Variants in FBXO46 observed in about 807,000 individuals in gnomAD.
FBXO46 encodes the protein F-box protein 46.
In FBXO46, 13 loss-of-function variants were observed where a neutral mutation model predicts 30.7. The ratio of observed to expected loss-of-function variants is 0.42; its 90% CI spans 0.28 to 0.67. The LOEUF is 0.67. Ranked by LOEUF, FBXO46 falls within the 30% of genes least tolerant of loss-of-function variation. The probability of loss-of-function intolerance (pLI) is 0.21; values close to 1 mark genes in which losing one functional copy is unlikely to be tolerated. For missense variants in FBXO46, 754 were observed against 871.5 expected (o/e 0.87, Z 1.70); for synonymous variants, 467 against 385.8 (o/e 1.21, Z -2.47).
At chr19:45,730,282 G>T (rs1312480305) in intron 1 of FBXO46, among the ~76,000 whole-genome samples, 1 of 151,918 alleles carries the variant, frequency 6.6e-6, no homozygotes, top group Non-Finnish European at 1.5e-5. Flanking sequence ...AGTCTCTGGC[G>T]GGACTAGGGA....
upstream of FBXO46, among the ~76,000 whole-genome samples, chr19:45,731,070 G>A (rs1468634098): frequency 3.9e-5 from 6 of 152,230 alleles, no homozygotes; most frequent in African/African-American, 1.2e-4. Flanking sequence ...GGGAGACAAA[G>A]CCGGGGAGGA....
intron 1 of FBXO46, chr19:45,715,016 C>T: frequency 6.6e-6 from 1 of 152,318 alleles, no homozygotes; most frequent in African/African-American, 2.4e-5. Flanking sequence ...GCTAAGATTA[C>T]AGTGGGTCCG....
At chr19:45,729,317 A>C (rs1328352014) in intron 1 of FBXO46, among the ~76,000 whole-genome samples, 1 of 150,656 alleles carries the variant, frequency 6.6e-6, no homozygotes, top group Non-Finnish European at 1.5e-5. Context: ...TGTAATCCCA[A>C]CTACTCAGGA....
upstream of FBXO46, among the ~76,000 whole-genome samples, chr19:45,732,116 C>CAA (rs1038077264): frequency 4.7e-4 from 53 of 112,242 alleles, no homozygotes; most frequent in African/African-American, 1.3e-3. Context: ...GATTCCGTCT[C>CAA]AAAAAAAAAA....
rs377664802 is a variant in FBXO46, at chr19:45,713,048, G to C, written c.448C>G (p.Arg150Gly). Residue 150 changes from arginine to glycine, a missense_variant, in exon 2 of 2, where the codon CGG becomes GGG. Arg to Gly is a moderately radical substitution (Grantham distance 125). Transcript: ENST00000317683. This position sits in a 1 kb window ranked among gnomAD's most constrained non-coding sequence, Gnocchi z 4.7. ...TCCTCAGCAGCAGGGGGGCCCTCCC[G>C]GCCCCCTGGGTCAGGAGGAGCCTTG... ...PTKAPPDPGG[R>G]EGPPAAEEGP... The C allele has an allele frequency of 1.3e-6, 2 of 1,562,882 alleles. No individual in the cohort carries two copies. The highest frequency in any genetic ancestry group is 1.7e-6 in the Non-Finnish European group (2 of 1,156,108).
intron 1 of FBXO46, among the ~76,000 whole-genome samples, chr19:45,730,449 C>T (rs1968293724): frequency 6.6e-6 from 1 of 152,024 alleles, no homozygotes; most frequent in Non-Finnish European, 1.5e-5. Flanking sequence ...CAACCCATTG[C>T]GTCCACCGTT....
chr19:45,720,094 TCAAGTGATC>T (rs1968149213), intron 1 of FBXO46, among the ~76,000 whole-genome samples: 2 of 152,038 alleles, frequency 1.3e-5, no homozygotes, highest in East Asian at 3.9e-4. Context: ...TCTCCTGGGC[TCAAGTGATC>T]CTCCCATCTC....
At position 45,712,425 on chromosome 19, in the gene FBXO46, C is replaced by G. The variant is rs2146143363; in HGVS notation, c.1071G>C (p.Arg357=). Residue 357 remains arginine (R), a synonymous_variant, in exon 2 of 2, where the codon CGG becomes CGC. Coordinates refer to ENST00000317683, the MANE Select transcript of FBXO46 (RefSeq NM_001080469.2). The surrounding 1 kb of genome is among the most constrained non-coding windows in gnomAD (Gnocchi z 8.8). ...CGTGGAAGCCTGACGCTCCGCAGTC[C>G]CGGGCAGGGGGCGGAGGGGGCGCCG... ...TPPAPPPPPA[R]DCGASGFHVD... The G allele has an allele frequency of 1.9e-6, 3 of 1,610,508 alleles. No individual in the cohort carries two copies. In the South Asian group the frequency reaches 3.3e-5, roughly 18 times the overall value.
chr19:45,721,256 G>A (rs989293599), intron 1 of FBXO46, among the ~76,000 whole-genome samples: 2 of 149,624 alleles, frequency 1.3e-5, no homozygotes, highest in Middle Eastern at 3.5e-3. Flanking sequence ...GAAGTGGGAG[G>A]ATCGCTTGAG....
rs550642796 is a variant in FBXO46, at chr19:45,711,057, G to C, written c.*627C>G. 109 of 276,486 alleles carry C rather than the reference G, an allele frequency of 3.9e-4. No individual in the cohort carries two copies. The highest frequency in any genetic ancestry group is 5.8e-4 in the Admixed American group (11 of 18,826). 17.1% of individuals were successfully genotyped at this position (276,486 alleles called of 1,614,324 possible). On this transcript the variant is annotated 3_prime_UTR_variant, in exon 2 of 2. Coordinates refer to ENST00000317683, the MANE Select transcript of FBXO46 (RefSeq NM_001080469.2). ...TGTCTGCCCCCCTCTTCCTCTACGC[G>C]GAAGAGGAGAGACTGGTAGCTTGAG...
intron 1 of FBXO46, among the ~76,000 whole-genome samples, chr19:45,717,847 A>T (rs1207030584): frequency 6.6e-6 from 1 of 152,016 alleles, no homozygotes; most frequent in Non-Finnish European, 1.5e-5. Flanking sequence ...ACCCTGAAAA[A>T]CAAATGGACA....
In FBXO46 at chr19:45,712,222, G is replaced by A. The variant is rs774725765; in HGVS notation, c.1274C>T (p.Ala425Val). 8 of 1,605,178 alleles carry A rather than the reference G, an allele frequency of 5.0e-6. No homozygotes were observed. Among genetic ancestry groups the A allele is most frequent in the Non-Finnish European group, 5.9e-6 (7 of 1,177,568 alleles). The stretch of plus-strand genomic sequence containing the variant: ...GCCGGGCGCAGTGGCCGGGGAGTCG[G>A]CCGGGGGTGGCTCCGGGGGCCCGTC... ...GPDGPPEPPP[A>V]DSPATAPGPD... is the part of the protein sequence containing the mutation. The change falls in exon 2 of 2, where the codon GCC becomes GTC. Residue 425 changes from alanine (A) to valine (V), a missense_variant. Ala to Val is a moderately conservative substitution (Grantham distance 64). Around this residue, in one of 5 missense-constraint regions of FBXO46, gnomAD observed 454 missense variants for 426.5 expected, o/e 1.06. Coordinates refer to ENST00000317683, the MANE Select transcript of FBXO46 (RefSeq NM_001080469.2). The surrounding 1 kb of genome is among the most constrained non-coding windows in gnomAD (Gnocchi z 8.8).
intron 1 of FBXO46, chr19:45,717,150 AAC>A (rs1391663659): frequency 2.0e-5 from 3 of 152,046 alleles, no homozygotes; most frequent in African/African-American, 7.2e-5. Flanking sequence ...CAAGCCCCAG[AAC>A]ATTTTGCAAA....
At chr19:45,724,572 C>T (rs961220120) in intron 1 of FBXO46, among the ~76,000 whole-genome samples, 1 of 151,712 alleles carries the variant, frequency 6.6e-6, no homozygotes, top group African/African-American at 2.4e-5. Context: ...TTTGGGAGGC[C>T]GAAGTGGGAG....
At position 45,712,412 on chromosome 19, in the gene FBXO46, A is replaced by C. The variant is rs988275990; in HGVS notation, c.1084T>G (p.Ser362Ala). The C allele has an allele frequency of 1.7e-5, 28 of 1,608,964 alleles. No individual in the cohort carries two copies. Among genetic ancestry groups the C allele is most frequent in the Non-Finnish European group, 2.4e-5 (28 of 1,179,668 alleles). ...PPPPARDCGA[S>A]GFHVDVVVTG... ...ACCACCACGTCCACGTGGAAGCCTG[A>C]CGCTCCGCAGTCCCGGGCAGGGGGC... The change falls in exon 2 of 2, where the codon TCA becomes GCA. Residue 362 changes from serine (S) to alanine (A), a missense_variant. Around this residue, in one of 5 missense-constraint regions of FBXO46, gnomAD observed 454 missense variants for 426.5 expected, o/e 1.06. Coordinates refer to ENST00000317683, the MANE Select transcript of FBXO46 (RefSeq NM_001080469.2). The surrounding 1 kb of genome is among the most constrained non-coding windows in gnomAD (Gnocchi z 8.8).
intron 1 of FBXO46, among the ~76,000 whole-genome samples, chr19:45,729,066 CACTCCGCCTGGGCAACAAGAGCGAA>C (rs1424976222): frequency 6.6e-6 from 1 of 150,492 alleles, no homozygotes; most frequent in Non-Finnish European, 1.5e-5. Flanking sequence ...GCCAAGATTG[CACTCCGCCTGGGCAACAAGAGCGAA>C]ACTCCGCCTC....
intron 1 of FBXO46, among the ~76,000 whole-genome samples, chr19:45,720,130 G>T (rs1200168125): frequency 2.1e-5 from 3 of 144,410 alleles, no homozygotes; most frequent in Admixed American, 6.9e-5. Context: ...CTTCTTTTTT[G>T]TTTTTTTTTT....
At chr19:45,717,417 G>C (rs1446362453) in intron 1 of FBXO46, 5 of 152,280 alleles carry the variant, frequency 3.3e-5, no homozygotes, top group East Asian at 3.9e-4. Context: ...AGACGCGCGC[G>C]TGACGCTCTC....
At chr19:45,732,981 T>C (rs1488377484), upstream of FBXO46, among the ~76,000 whole-genome samples, 1 of 152,138 alleles carries the variant, frequency 6.6e-6, no homozygotes, top group African/African-American at 2.4e-5. Context: ...TCGATTGTAC[T>C]GGGAAGACAG....
Sources: allele counts gnomAD v4.1 joint callset (sites outside exome capture counted in the v4.1 genomes callset), GRCh38; gene constraint gnomAD v4.1.1; regional missense constraint gnomAD v4.1.1; non-coding constraint Gnocchi (gnomAD v3.1); transcripts MANE v1.5; gene names NCBI Gene and HGNC (gene_info 2026-07-23, HGNC 2026-07-21).